The following CELF2 variants were observed in gnomAD, a reference collection of about 807,000 sequenced individuals.
CELF2 encodes CUGBP Elav-like family member 2.
Under a neutral mutation model 62.6 loss-of-function variants are expected in CELF2, and 8 were observed. That is an observed-to-expected ratio of 0.13 (90% CI 0.07 to 0.23). The LOEUF (loss-of-function observed/expected upper bound fraction) is 0.23, where lower values mean the gene tolerates loss of function less well. CELF2 is among the 10% of genes least tolerant of loss of function. The pLI, the probability that CELF2 is intolerant of heterozygous loss-of-function variation, is 1.00. For missense variants in CELF2, 333 were observed against 671.0 expected, an observed-to-expected ratio of 0.50 and a Z score of 5.56; for synonymous variants, 258 against 250.0, an observed-to-expected ratio of 1.03 and a Z score of -0.30.
chr10:11,249,131 T>C, intron 3 of CELF2, 22 bp from the exon 4 acceptor site: 1 of 1,607,380 alleles, frequency 6.2e-7, no homozygotes, highest in Non-Finnish European at 8.5e-7. Context: ...CTGCCTTTAC[T>C]TTCTCCCTTT....
At chr10:10,760,182 A>G in the CELF2 span, among the ~76,000 whole-genome samples, 1 of 152,078 alleles carries the variant, frequency 6.6e-6, no homozygotes, top group African/African-American at 2.4e-5. Context: ...GGGATTATAG[A>G]CGTGAGCCAC....
At chr10:10,845,097 T>G (rs1348868630) in intron 1 of CELF2, among the ~76,000 whole-genome samples, 1 of 152,140 alleles carries the variant, frequency 6.6e-6, no homozygotes, top group Non-Finnish European at 1.5e-5. Flanking sequence ...ATATTTAAAT[T>G]ACTGCTTAAA....
At chr10:10,859,279 G>T (rs1026302924) in intron 1 of CELF2, among the ~76,000 whole-genome samples, 14 of 152,088 alleles carry the variant, frequency 9.2e-5, no homozygotes, top group African/African-American at 3.4e-4. Flanking sequence ...GATCAAGATA[G>T]TTAATTTTTA....
At chr10:10,912,595 C>G (rs1591823696) in intron 1 of CELF2, among the ~76,000 whole-genome samples, 1 of 152,164 alleles carries the variant, frequency 6.6e-6, no homozygotes, top group Non-Finnish European at 1.5e-5. Flanking sequence ...GTCTTGATCT[C>G]TTGACCTTGT....
the CELF2 span, among the ~76,000 whole-genome samples, chr10:10,667,006 C>T: frequency 2.4e-3 from 369 of 152,174 alleles, 4 homozygotes; most frequent in African/African-American, 8.5e-3. Context: ...CATTTATAAG[C>T]CAAAGGCCCT....
At chr10:11,028,718 CTT>C (rs71378776) in intron 1 of CELF2, among the ~76,000 whole-genome samples, 83,683 of 125,074 alleles carry the variant, frequency 0.67, 29,813 homozygotes, top group East Asian at 0.88. Context: ...CGCACCCAGC[CTT>C]TTTTTTTTTT....
chr10:10,537,013 TTGCTGCTGCTGC>T, the CELF2 span, among the ~76,000 whole-genome samples: 4 of 152,102 alleles, frequency 2.6e-5, no homozygotes, highest in East Asian at 7.8e-4. Context: ...CTGGATTCAC[TTGCTGCTGCTGC>T]TGCTGCTGCT....
intron 2 of CELF2, among the ~76,000 whole-genome samples, chr10:10,966,334 G>A (rs185246259): frequency 6.6e-5 from 10 of 152,340 alleles, no homozygotes; most frequent in South Asian, 2.1e-4. Flanking sequence ...GTGTGGTACA[G>A]TGGAGCTGAA....
chr10:11,148,090 G>C lies in CELF2; in HGVS notation c.75-17396G>C, dbSNP rs564854415. Among the ~76,000 whole-genome samples, 7 of 152,356 alleles carry C rather than the reference G, an allele frequency of 4.6e-5. No homozygotes were observed. The South Asian group carries it at 1.5e-3, about 32-fold the overall frequency. On this transcript the variant is annotated intron_variant, in intron 1 of 12. Transcript: ENST00000633077. ...ACAGCCATGAAAGTGACCCCAGTCC[G>C]GCAAGAAGAACGTGGCTTGATAAGG...
At position 11,256,750 on chromosome 10, in the gene CELF2, G is replaced by A. The variant is rs188539169; in HGVS notation, c.404-988G>A. On this transcript the variant is annotated intron_variant, in intron 4 of 12. Coordinates refer to ENST00000633077, the MANE Select transcript of CELF2 (RefSeq NM_001326342.2). ...CAGTTTTAACCTCGTCTTTCGGGCC[G>A]AAAGTAGTTCACATTTCCCGAGCAC... 8.4e-4 allele frequency among the ~76,000 whole-genome samples: 127 copies of A among 151,122 alleles called. No individual in the cohort carries two copies. In the Middle Eastern group the frequency reaches 0.014, roughly 16 times the overall value.
the CELF2 span, among the ~76,000 whole-genome samples, chr10:10,749,759 T>TTCATGA: frequency 6.6e-6 from 1 of 152,230 alleles, no homozygotes; most frequent in Non-Finnish European, 1.5e-5. Context: ...AGTAAAAATG[T>TTCATGA]TCATGATTGT....
At chr10:10,514,264 T>C in the CELF2 span, among the ~76,000 whole-genome samples, 1 of 152,334 alleles carries the variant, frequency 6.6e-6, no homozygotes, top group South Asian at 2.1e-4. Context: ...CAATTGGCTA[T>C]AGAAAGTAGC....
intron 1 of CELF2, among the ~76,000 whole-genome samples, chr10:10,915,741 G>T (rs1298289347): frequency 2.6e-5 from 4 of 152,168 alleles, no homozygotes. Context: ...GGCCCTTAGG[G>T]GAGTTTTCAG....
At chr10:11,133,670 C>T (rs570994756) in intron 1 of CELF2, among the ~76,000 whole-genome samples, 125 of 152,328 alleles carry the variant, frequency 8.2e-4, no homozygotes, top group South Asian at 7.9e-3. Flanking sequence ...AGTATCACTC[C>T]GCTTTGTAGG....
chr10:10,906,965 C>G (rs572107768), intron 1 of CELF2, among the ~76,000 whole-genome samples: 1 of 152,088 alleles, frequency 6.6e-6, no homozygotes, highest in African/African-American at 2.4e-5. Flanking sequence ...GATCCACCCC[C>G]CTCAGCCTCC....
At chr10:11,085,717 G>A (rs774937635) in intron 1 of CELF2, among the ~76,000 whole-genome samples, 4 of 152,110 alleles carry the variant, frequency 2.6e-5, no homozygotes, top group Non-Finnish European at 5.9e-5. Flanking sequence ...CCAGTTATTG[G>A]GAGTTTTTTG....
At chr10:10,724,569 C>T in the CELF2 span, among the ~76,000 whole-genome samples, 3 of 150,852 alleles carry the variant, frequency 2.0e-5, no homozygotes, top group Admixed American at 6.7e-5. Flanking sequence ...GACAGGAGAA[C>T]CGCTTGAAGC....
intron 1 of CELF2, among the ~76,000 whole-genome samples, chr10:11,029,326 G>T (rs551063328): frequency 6.6e-6 from 1 of 152,270 alleles, no homozygotes; most frequent in South Asian, 2.1e-4. Context: ...AGGGTCTTTG[G>T]AGTGCTAAGA....
chr10:10,528,053 G>A, the CELF2 span, among the ~76,000 whole-genome samples: 2 of 152,186 alleles, frequency 1.3e-5, no homozygotes, highest in African/African-American at 4.8e-5. Flanking sequence ...GCCCAGGCCT[G>A]CAGATGTCTA....
Sources: allele counts gnomAD v4.1 joint callset (sites outside exome capture counted in the v4.1 genomes callset), GRCh38; gene constraint gnomAD v4.1.1; transcripts MANE v1.5; gene names NCBI Gene and HGNC (gene_info 2026-07-23, HGNC 2026-07-21).